The following FYN variants were observed in gnomAD, a reference collection of about 807,000 sequenced individuals.
FYN encodes tyrosine-protein kinase Fyn.
In FYN, 10 loss-of-function variants were observed where a neutral mutation model predicts 70.2. That is an observed-to-expected ratio of 0.14 (90% CI 0.09 to 0.24). The LOEUF (loss-of-function observed/expected upper bound fraction) is 0.24. Among genes scored for constraint, FYN ranks in the 10% least tolerant of loss-of-function variants. The pLI, the probability that FYN is intolerant of heterozygous loss-of-function variation, is 1.00. For synonymous variants in FYN, 236 were observed against 248.6 expected, an observed-to-expected ratio of 0.95 and a Z score of 0.48; for missense variants, 319 against 673.1, an observed-to-expected ratio of 0.47 and a Z score of 5.82.
At chr6:111,792,185 T>G (rs1771648535) in intron 2 of FYN, among the ~76,000 whole-genome samples, 1 of 151,936 alleles carries the variant, frequency 6.6e-6, no homozygotes, top group Admixed American at 6.6e-5. Context: ...AATAAAGAAA[T>G]AGACAAATAC....
chr6:111,714,190 C>T (rs1800515072), intron 5 of FYN, among the ~76,000 whole-genome samples, 157 bp downstream of exon 5: 1 of 152,228 alleles, frequency 6.6e-6, no homozygotes, highest in African/African-American at 2.4e-5. Flanking sequence ...CACTGTGTCA[C>T]TGACTCTTCT....
chr6:111,842,787 G>A (rs1174192395), intron 2 of FYN, among the ~76,000 whole-genome samples: 1 of 152,040 alleles, frequency 6.6e-6, no homozygotes, highest in East Asian at 1.9e-4. Context: ...CCCCCCACAA[G>A]ACAATTATCC....
intron 9 of FYN, chr6:111,696,883 T>A (rs1414747216): frequency 6.5e-6 from 1 of 152,802 alleles, no homozygotes; most frequent in Non-Finnish European, 1.5e-5. Context: ...TTATGGGGTG[T>A]GCCATTTAAA....
intron 2 of FYN, among the ~76,000 whole-genome samples, chr6:111,784,883 A>G (rs925145289): frequency 6.6e-6 from 1 of 152,250 alleles, no homozygotes; most frequent in Admixed American, 6.5e-5. Flanking sequence ...GGTACTTATT[A>G]AAGACCTTTC....
chr6:111,827,687 G>C (rs1772882577), intron 2 of FYN, among the ~76,000 whole-genome samples: 1 of 152,112 alleles, frequency 6.6e-6, no homozygotes. Flanking sequence ...CAACTTGGTT[G>C]AAAGTTTTAC....
intron 3 of FYN, among the ~76,000 whole-genome samples, chr6:111,756,371 A>G (rs180794145): frequency 5.8e-4 from 89 of 152,146 alleles, no homozygotes; most frequent in Middle Eastern, 3.4e-3. Context: ...AAAAAATCCA[A>G]AAACCAATAA....
intron 3 of FYN, among the ~76,000 whole-genome samples, chr6:111,779,807 C>T (rs1210212389): frequency 6.6e-6 from 1 of 152,176 alleles, no homozygotes; most frequent in South Asian, 2.1e-4. Flanking sequence ...TGTCTAGTCT[C>T]CAAACAAGGC....
intron 13 of FYN, among the ~76,000 whole-genome samples, chr6:111,673,391 A>G (rs9400491): frequency 0.057 from 8,719 of 152,168 alleles, 321 homozygotes; most frequent in East Asian, 0.099. Context: ...CTCCATGTCA[A>G]CTTGGCTCTC....
intron 13 of FYN, among the ~76,000 whole-genome samples, chr6:111,664,599 C>T (rs1207417183): frequency 2.0e-5 from 3 of 151,720 alleles, no homozygotes; most frequent in Non-Finnish European, 4.4e-5. Flanking sequence ...CAACATGTAG[C>T]GTCTCCCGAG....
In FYN at chr6:111,765,594, T is replaced by C. The variant is rs1215374891; in HGVS notation, c.-12+14972A>G. On this transcript the variant is annotated intron_variant, in intron 3 of 13. Coordinates refer to ENST00000354650, the MANE Select transcript of FYN (RefSeq NM_002037.5). The stretch of plus-strand genomic sequence containing the variant: ...TGGAAGGAACCTTTACCTATTTCTC[T>C]GGCGTGTGTTATCTATGAATATGTT... 3.3e-5 allele frequency among the ~76,000 whole-genome samples: 5 copies of C among 152,194 alleles called. No homozygotes were observed. In the East Asian group the frequency reaches 9.6e-4, roughly 29 times the overall value.
At chr6:111,802,894 G>C (rs1296583454) in intron 2 of FYN, among the ~76,000 whole-genome samples, 1 of 152,146 alleles carries the variant, frequency 6.6e-6, no homozygotes, top group African/African-American at 2.4e-5. Context: ...TGTAGAGTGG[G>C]TTTCTTAAAT....
At chr6:111,702,566 A>C (rs1799888482) in intron 8 of FYN, 1 of 212,932 alleles carries the variant, frequency 4.7e-6, no homozygotes, top group South Asian at 1.7e-4. Context: ...GCTTTCTCAC[A>C]TGCAACGCGG....
At chr6:111,693,456 C>A (rs905772311) in intron 12 of FYN, among the ~76,000 whole-genome samples, 1 of 152,092 alleles carries the variant, frequency 6.6e-6, no homozygotes. Context: ...CATACTTAAT[C>A]ACACACTTTT....
intron 2 of FYN, among the ~76,000 whole-genome samples, chr6:111,807,850 C>T (rs187124668): frequency 6.6e-6 from 1 of 152,282 alleles, no homozygotes; most frequent in Admixed American, 6.5e-5. Context: ...TGGCTCATGC[C>T]TGTAATCCCA....
chr6:111,713,318 A>C (rs2128456523), intron 5 of FYN, among the ~76,000 whole-genome samples: 1 of 152,034 alleles, frequency 6.6e-6, no homozygotes, highest in African/African-American at 2.4e-5. Flanking sequence ...GCTGCCTCTT[A>C]CTCCCTCTGG....
At chr6:111,815,277 C>G (rs1483451314) in intron 2 of FYN, among the ~76,000 whole-genome samples, 1 of 152,134 alleles carries the variant, frequency 6.6e-6, no homozygotes, top group Non-Finnish European at 1.5e-5. Context: ...AGCCTGTAAA[C>G]TGTTTAAACA....
chr6:111,743,369 A>G (rs1802068247), intron 3 of FYN, among the ~76,000 whole-genome samples: 1 of 152,080 alleles, frequency 6.6e-6, no homozygotes, highest in Non-Finnish European at 1.5e-5. Context: ...TTACATCATG[A>G]TTTTTCTCCA....
At chr6:111,792,577 AAG>A (rs1307232487) in intron 2 of FYN, among the ~76,000 whole-genome samples, 23 of 152,374 alleles carry the variant, frequency 1.5e-4, no homozygotes, top group African/African-American at 5.5e-4. Context: ...GGCCACTTAC[AAG>A]AGAGGGGCTA....
At chr6:111,750,894 T>C (rs1432613837) in intron 3 of FYN, among the ~76,000 whole-genome samples, 6 of 152,138 alleles carry the variant, frequency 3.9e-5, no homozygotes, top group Admixed American at 1.3e-4. Context: ...CACCTTCACT[T>C]TTGTTGAGAC....
Sources: gnomAD v4.1 joint callset for allele counts (sites outside exome capture counted in the v4.1 genomes callset) on GRCh38, gnomAD v4.1.1 for gene constraint, MANE v1.5 for transcripts, NCBI Gene and HGNC (gene_info 2026-07-23, HGNC 2026-07-21) for gene names.